The following TPO variants were observed in gnomAD, a reference collection of about 807,000 sequenced individuals.
TPO encodes thyroid peroxidase.
In TPO, 78 loss-of-function variants were observed where a neutral mutation model predicts 96.9. That is an observed-to-expected ratio of 0.81 (90% CI 0.67 to 0.97). TPO has a LOEUF of 0.97. TPO is among the 50% of genes least tolerant of loss of function. TPO has a pLI of 0.00. For missense variants in TPO, 1,252 were observed against 1,274.8 expected (o/e 0.98, Z 0.27); for synonymous variants, 547 against 538.0 (o/e 1.02, Z -0.23).
chr2:1,533,591 C>G (rs1234197473), intron 15 of TPO, among the ~76,000 whole-genome samples: 1 of 12,804 alleles, frequency 7.8e-5, no homozygotes, highest in African/African-American at 3.1e-4. Flanking sequence ...AAATCCCCCC[C>G]ACTCTGTGCA....
At chr2:1,407,888 C>G (rs1318783113) in intron 1 of TPO, among the ~76,000 whole-genome samples, 1 of 152,196 alleles carries the variant, frequency 6.6e-6, no homozygotes, top group Non-Finnish European at 1.5e-5. Context: ...GATTTCTACA[C>G]AAATGCAAAG....
chr2:1,503,714 G>T (rs1673104468), intron 13 of TPO: 1 of 737,796 alleles, frequency 1.4e-6, no homozygotes, highest in South Asian at 1.5e-5. Flanking sequence ...GTGAGCCCCA[G>T]TGTGTGGACT....
At chr2:1,466,479 T>G (rs887087487) in intron 7 of TPO, among the ~76,000 whole-genome samples, 29 of 152,348 alleles carry the variant, frequency 1.9e-4, no homozygotes, top group Admixed American at 5.2e-4. Context: ...CAATTCTTCT[T>G]TGAATGTCTG....
upstream of TPO, among the ~76,000 whole-genome samples, chr2:1,411,609 C>A (rs1244733620): frequency 6.6e-6 from 1 of 152,228 alleles, no homozygotes; most frequent in African/African-American, 2.4e-5. Flanking sequence ...AGTGGCTTTA[C>A]TCCATCAGCT....
intron 15 of TPO, among the ~76,000 whole-genome samples, chr2:1,535,990 T>C (rs1297520464): frequency 1.2e-4 from 1 of 8,222 alleles, no homozygotes; most frequent in Non-Finnish European, 2.1e-4. Context: ...TCTCCCCAAA[T>C]CCCCCCCACT....
At chr2:1,499,299 G>A (rs946979082) in intron 13 of TPO, among the ~76,000 whole-genome samples, 3 of 152,126 alleles carry the variant, frequency 2.0e-5, no homozygotes, top group Admixed American at 6.5e-5. Context: ...CCTAAGTGAG[G>A]AATGCTCCTT....
At chr2:1,518,737 T>C (rs1313479428) in intron 15 of TPO, among the ~76,000 whole-genome samples, 1 of 152,258 alleles carries the variant, frequency 6.6e-6, no homozygotes, top group East Asian at 1.9e-4. Context: ...GCTAAAGCCA[T>C]GTGTCAGATG....
intron 3 of TPO, among the ~76,000 whole-genome samples, chr2:1,427,737 C>T (rs887444775): frequency 1.6e-4 from 25 of 152,232 alleles, no homozygotes; most frequent in African/African-American, 5.3e-4. Context: ...CTCAGTTGCT[C>T]ACCCCATGAT....
intron 15 of TPO, among the ~76,000 whole-genome samples, chr2:1,539,755 C>T (rs1027347411): frequency 6.6e-6 from 1 of 151,784 alleles, no homozygotes; most frequent in African/African-American, 2.4e-5. Context: ...GGCCTGTGGT[C>T]CTCTTCAGGC....
At position 1,542,320 on chromosome 2, in the gene TPO, A is replaced by G; in HGVS notation, c.2749-101A>G. 4.7e-6 allele frequency: 7 copies of G among 1,500,714 alleles called. No individual in the cohort carries two copies. In the South Asian group the frequency reaches 8.3e-5, roughly 18 times the overall value. The allele number at this position is 1,500,714 out of a possible 1,614,324, so 93.0% of individuals were successfully genotyped here. ...CATCTCGCCAGCGGTCCTTTGTGAA[A>G]AGAGCTCCTGTCCAGGCCCTTCTGT... On this transcript the variant is annotated intron_variant, in intron 16 of 16. Coordinates refer to ENST00000329066, the MANE Select transcript of TPO (RefSeq NM_001206744.2).
chr2:1,527,913 C>A (rs1250344578), intron 15 of TPO, among the ~76,000 whole-genome samples: 1 of 136,776 alleles, frequency 7.3e-6, no homozygotes, highest in Non-Finnish European at 1.6e-5. Flanking sequence ...TCAAATCCCC[C>A]CAATGTGAGC....
rs893926547 is a variant in TPO at position 1,479,757 on chromosome 2, G to A, written c.1338+2153G>A. On this transcript the variant is annotated intron_variant, in intron 8 of 16. Transcript: ENST00000329066. ...GCTGCTCCTCCTTGTCCTCCTCCTC[G>A]TCCTCCTCCTCCTCTTCTTCTTCTC... Among the ~76,000 whole-genome samples the A allele has an allele frequency of 4.1e-5, 6 of 148,148 alleles. No homozygotes were observed. The East Asian group carries it at 5.9e-4, about 14-fold the overall frequency.
intron 10 of TPO, among the ~76,000 whole-genome samples, chr2:1,490,018 A>C (rs35500489): frequency 1.5e-5 from 1 of 65,070 alleles, no homozygotes; most frequent in Non-Finnish European, 2.9e-5. Context: ...AGCCGCCACG[A>C]GGGTCCCACA....
chr2:1,408,279 C>A (rs571624124), intron 1 of TPO, among the ~76,000 whole-genome samples: 1 of 152,158 alleles, frequency 6.6e-6, no homozygotes, highest in Non-Finnish European at 1.5e-5. Flanking sequence ...AGTTAATGAC[C>A]GAAATCAGAG....
chr2:1,520,684 A>C (rs1031029409), intron 15 of TPO, among the ~76,000 whole-genome samples: 3 of 152,172 alleles, frequency 2.0e-5, no homozygotes, highest in Admixed American at 6.5e-5. Context: ...AAATACCTCC[A>C]CGGTATTATG....
At position 1,471,914 on chromosome 2, in the gene TPO, C is replaced by T. The variant is rs141412867; in HGVS notation, c.820-5172C>T. Among the ~76,000 whole-genome samples, 371 of 151,380 alleles carry T rather than the reference C, an allele frequency of 2.5e-3. 2 individuals are homozygous for T. The highest frequency in any genetic ancestry group is 6.9e-3 in the African/African-American group (283 of 41,218). On this transcript the variant is annotated intron_variant, in intron 7 of 16. Transcript: ENST00000329066. Reference sequence around the variant, plus strand: ...GTGCCCTTCCCATGATCCTGATGCTCATGGTGTGCCCTTCCCATGATCTGA... The same window carrying T: ...GTGCCCTTCCCATGATCCTGATGCTTATGGTGTGCCCTTCCCATGATCTGA...
chr2:1,422,344 C>CTTCGTGCAGGCGCCTCTCCTTGACA, intron 2 of TPO, among the ~76,000 whole-genome samples: 1 of 77,520 alleles, frequency 1.3e-5, no homozygotes, highest in Admixed American at 1.2e-4. Flanking sequence ...TCTCCTGGAC[C>CTTCGTGCAGGCGCCTCTCCTTGACA]GACCTCGTGC....
At chr2:1,540,380 T>TAAAATCATTTTTCCTATGA (rs1287652933) in intron 15 of TPO, among the ~76,000 whole-genome samples, 1 of 151,914 alleles carries the variant, frequency 6.6e-6, no homozygotes, top group East Asian at 1.9e-4. Context: ...CTGCAAATTC[T>TAAAATCATTTTTCCTATGA]AAAATCATTT....
intron 5 of TPO, among the ~76,000 whole-genome samples, chr2:1,448,737 A>T (rs929756778): frequency 6.6e-6 from 1 of 152,234 alleles, no homozygotes; most frequent in Non-Finnish European, 1.5e-5. Flanking sequence ...ATATCACGGC[A>T]TCACAGAATC....
Sources: gnomAD v4.1 joint callset for allele counts (sites outside exome capture counted in the v4.1 genomes callset) on GRCh38, gnomAD v4.1.1 for gene constraint, MANE v1.5 for transcripts, NCBI Gene and HGNC (gene_info 2026-07-23, HGNC 2026-07-21) for gene names.